Variants in ARB2A observed in about 807,000 individuals in gnomAD.
ARB2A encodes the protein cotranscriptional regulator ARB2A.
the ARB2A span, chr5:94,053,340 C>CT: frequency 1.7e-6 from 1 of 587,152 alleles, no homozygotes; most frequent in African/African-American, 1.9e-5. Flanking sequence ...TTATGTGTTG[C>CT]TTTAACTGAT....
chr5:93,958,031 CTATGGAACT>C, the ARB2A span, among the ~76,000 whole-genome samples: 1 of 151,786 alleles, frequency 6.6e-6, no homozygotes, highest in South Asian at 2.1e-4. Flanking sequence ...GGGCTGTTCA[CTATGGAACT>C]TATGAATGCA....
the ARB2A span, chr5:93,804,807 T>G: frequency 1.8e-6 from 1 of 543,760 alleles, no homozygotes; most frequent in Admixed American, 6.4e-5. Context: ...AGTATATCTT[T>G]AGTAATCTTT....
the ARB2A span, among the ~76,000 whole-genome samples, chr5:93,963,201 C>T: frequency 6.6e-6 from 1 of 152,014 alleles, no homozygotes; most frequent in Admixed American, 6.6e-5. Flanking sequence ...TCAATATATA[C>T]TTTAAATGAA....
At chr5:93,951,624 G>A in the ARB2A span, among the ~76,000 whole-genome samples, 1 of 152,140 alleles carries the variant, frequency 6.6e-6, no homozygotes, top group Non-Finnish European at 1.5e-5. Flanking sequence ...TCAAAAATAA[G>A]TTCACTGTAG....
At chr5:93,688,119 G>A in the ARB2A span, among the ~76,000 whole-genome samples, 58 of 152,128 alleles carry the variant, frequency 3.8e-4, no homozygotes, top group Non-Finnish European at 6.3e-4. Context: ...GAATACAGGC[G>A]TGCGCCACCA....
chr5:93,781,054 A>G, the ARB2A span, among the ~76,000 whole-genome samples: 1 of 152,080 alleles, frequency 6.6e-6, no homozygotes, highest in Non-Finnish European at 1.5e-5. Flanking sequence ...TTTCAAGTGC[A>G]TTTTTATTAC....
chr5:94,080,093 T>TC, the ARB2A span, among the ~76,000 whole-genome samples: 1 of 152,132 alleles, frequency 6.6e-6, no homozygotes, highest in Non-Finnish European at 1.5e-5. Flanking sequence ...TATGAGGTTT[T>TC]CATAATATGT....
the ARB2A span, chr5:93,734,227 A>C: frequency 1.3e-5 from 2 of 152,228 alleles, no homozygotes; most frequent in African/African-American, 4.8e-5. Flanking sequence ...GCAATAATCA[A>C]TACATTATTT....
the ARB2A span, among the ~76,000 whole-genome samples, chr5:93,800,513 A>G: frequency 6.6e-6 from 1 of 152,010 alleles, no homozygotes; most frequent in South Asian, 2.1e-4. Context: ...AGAACAGTGT[A>G]AAATAGTTGT....
chr5:93,959,928 A>G, the ARB2A span, among the ~76,000 whole-genome samples: 1 of 152,086 alleles, frequency 6.6e-6, no homozygotes, highest in Non-Finnish European at 1.5e-5. Flanking sequence ...GCCTTTCAAT[A>G]GCCAGATCAA....
the ARB2A span, among the ~76,000 whole-genome samples, chr5:93,760,837 C>G: frequency 3.0e-4 from 46 of 152,266 alleles, no homozygotes; most frequent in Non-Finnish European, 6.0e-4. Context: ...TAGACACTGA[C>G]TTAGACAAGG....
At chr5:93,741,275 C>A in the ARB2A span, 1 of 1,613,778 alleles carries the variant, frequency 6.2e-7, no homozygotes, top group Admixed American at 1.7e-5. Flanking sequence ...AGGGCGCCTT[C>A]GGAGGGGCGT....
chr5:93,962,661 T>C, the ARB2A span, among the ~76,000 whole-genome samples: 1 of 152,080 alleles, frequency 6.6e-6, no homozygotes, highest in Non-Finnish European at 1.5e-5. Context: ...CTAATAGCTA[T>C]TGAAAAATAG....
chr5:93,864,532 C>A, the ARB2A span, among the ~76,000 whole-genome samples: 1 of 152,024 alleles, frequency 6.6e-6, no homozygotes, highest in African/African-American at 2.4e-5. Flanking sequence ...CTTTTAAGTG[C>A]CAAATTTTGA....
chr5:93,967,095 T>C, the ARB2A span, among the ~76,000 whole-genome samples: 1 of 151,940 alleles, frequency 6.6e-6, no homozygotes, highest in African/African-American at 2.4e-5. Flanking sequence ...GCCTTCCAGA[T>C]TGCATAGAAT....
At chr5:93,817,081 CACACAA>C in the ARB2A span, among the ~76,000 whole-genome samples, 2,238 of 147,398 alleles carry the variant, frequency 0.015, 62 homozygotes, top group African/African-American at 0.054. Context: ...CTAAGGAATA[CACACAA>C]ACACACACAC....
the ARB2A span, among the ~76,000 whole-genome samples, chr5:94,087,121 T>G: frequency 2.0e-5 from 3 of 152,140 alleles, no homozygotes; most frequent in Non-Finnish European, 2.9e-5. Context: ...TGTCTTCATT[T>G]TTGGCAAAAA....
chr5:93,825,254 G>T, the ARB2A span, among the ~76,000 whole-genome samples: 1 of 152,116 alleles, frequency 6.6e-6, no homozygotes, highest in African/African-American at 2.4e-5. Flanking sequence ...ATGTCTATAT[G>T]TCAGCTATTG....
chr5:94,066,422 G>GCACACACACA, the ARB2A span, among the ~76,000 whole-genome samples: 183 of 132,512 alleles, frequency 1.4e-3, no homozygotes, highest in African/African-American at 4.7e-3. Context: ...GCCAGACTAA[G>GCACACACACA]CACACACACA....
Sources: gnomAD v4.1 joint callset for allele counts (sites outside exome capture counted in the v4.1 genomes callset) on GRCh38, gnomAD v4.1.1 for gene constraint, MANE v1.5 for transcripts, NCBI Gene and HGNC (gene_info 2026-07-23, HGNC 2026-07-21) for gene names.